RRP12: variants seen among roughly 807,000 people sequenced by gnomAD.
The protein encoded by RRP12 is ribosomal RNA processing 12 homolog, also known as RRP12-like protein.
In RRP12, 78 loss-of-function variants were observed where a neutral mutation model predicts 157.3. The ratio of observed to expected loss-of-function variants is 0.50; its 90% CI spans 0.41 to 0.60. The LOEUF is 0.60. Ranked by LOEUF, RRP12 falls within the 20% of genes least tolerant of loss-of-function variation. RRP12 has a pLI of 0.00. For missense variants in RRP12, 1,521 were observed against 1,679.9 expected (o/e 0.91, Z 1.65); for synonymous variants, 726 against 670.9 (o/e 1.08, Z -1.27).
At chr10:97,399,753 A>T (rs1444736902) in intron 2 of RRP12, among the ~76,000 whole-genome samples, 2 of 150,852 alleles carry the variant, frequency 1.3e-5, no homozygotes, top group African/African-American at 4.9e-5. Flanking sequence ...ATATACTAAA[A>T]AAAAAAAAAA....
intron 31 of RRP12, among the ~76,000 whole-genome samples, chr10:97,359,578 A>G (rs1315607155): frequency 6.6e-6 from 1 of 152,208 alleles, no homozygotes; most frequent in African/African-American, 2.4e-5. Context: ...TCAACATTCA[A>G]CGACAAGTTG....
intron 2 of RRP12, among the ~76,000 whole-genome samples, chr10:97,397,837 T>C (rs1845010505): frequency 6.7e-6 from 1 of 150,232 alleles, no homozygotes; most frequent in South Asian, 2.1e-4. Flanking sequence ...CACTCCCCTG[T>C]AGTCCCAGCT....
intron 25 of RRP12, 116 bp from the exon 26 acceptor site, chr10:97,367,248 G>A (rs762734661): frequency 7.4e-5 from 63 of 850,356 alleles, no homozygotes; most frequent in Non-Finnish European, 1.1e-4. Context: ...GAGGGTTAGC[G>A]CGGCCCTGCT....
chr10:97,394,314 G>A (rs1844894908), intron 3 of RRP12, among the ~76,000 whole-genome samples: 1 of 152,158 alleles, frequency 6.6e-6, no homozygotes. Flanking sequence ...CTGCACTCCA[G>A]TCTGGGTGAC....
At position 97,366,741 on chromosome 10, in the gene RRP12, C is replaced by A. The variant is rs1383140465; in HGVS notation, c.3215+1G>T. The A allele has an allele frequency of 1.9e-6, 3 of 1,612,996 alleles. No homozygotes were observed. Among genetic ancestry groups the A allele is most frequent in the Admixed American group, 3.3e-5 (2 of 59,950 alleles). ...GTCCCATGGCCCTAACATGGTCTCA[C>A]CTGTCACCTTTGCCCTGGGCGGGCT... On this transcript the variant is annotated splice_donor_variant, in intron 27 of 33. Coordinates refer to ENST00000370992, the MANE Select transcript of RRP12 (RefSeq NM_015179.4). LOFTEE classifies it high-confidence loss of function.
chr10:97,367,390 G>A, intron 25 of RRP12: 1 of 554,298 alleles, frequency 1.8e-6, no homozygotes, highest in South Asian at 2.1e-5. Context: ...AACAGCACTT[G>A]GTACTTGACA....
chr10:97,379,403 T>A lies in RRP12; in HGVS notation c.1688A>T (p.Asp563Val), dbSNP rs757561827. The A allele has an allele frequency of 1.9e-6, 3 of 1,613,830 alleles. No homozygotes were observed. In the African/African-American group the frequency reaches 4.0e-5, roughly 22 times the overall value. ...AGGCAGCAGCCAGCTCCGTGGGAAA[T>A]CCAGAGTCTCCCTGGGAAGAGAATG... The part of the protein sequence containing the change: ...LEIDGSEETL[D>V]FPRSWLLPVI... Residue 563 changes from aspartate (D) to valine (V), a missense_variant, in exon 15 of 34, where the codon GAT becomes GTT. Asp to Val is a radical substitution (Grantham distance 152, BLOSUM62 -3). Transcript: ENST00000370992.
At chr10:97,398,039 A>ATATTTTTTTTT (rs1436494245) in intron 2 of RRP12, among the ~76,000 whole-genome samples, 7 of 56,034 alleles carry the variant, frequency 1.2e-4, no homozygotes, top group African/African-American at 2.6e-4. Flanking sequence ...ATATATACGT[A>ATATTTTTTTTT]TTTTTTTTTT....
In RRP12 at chr10:97,369,648, C is replaced by T. The variant is rs1844087473; in HGVS notation, c.2798-66G>A. The T allele has an allele frequency of 4.0e-6, 6 of 1,484,254 alleles. No individual in the cohort carries two copies. The African/African-American group carries it at 5.6e-5, about 14-fold the overall frequency. The allele number at this position is 1,484,254 out of a possible 1,614,324, so 91.9% of individuals were successfully genotyped here. On this transcript the variant is annotated intron_variant, in intron 24 of 33. Coordinates refer to ENST00000370992, the MANE Select transcript of RRP12 (RefSeq NM_015179.4). ...CCCACTCAGACCCAAACCTTCCCCACTGGAAAACAGCCACTCAAGTGTCAG... is the reference window on the plus strand; with the variant it reads ...CCCACTCAGACCCAAACCTTCCCCATTGGAAAACAGCCACTCAAGTGTCAG...
chr10:97,357,785 C>T (rs1160744402), intron 33 of RRP12, among the ~76,000 whole-genome samples: 3 of 151,760 alleles, frequency 2.0e-5, no homozygotes, highest in East Asian at 1.9e-4. Flanking sequence ...AGTGAAACCC[C>T]GTCTCTACTA....
In RRP12 at chr10:97,366,449, G is replaced by A. The variant is rs1843982509; in HGVS notation, c.3388C>T (p.Leu1130=). Residue 1130 remains leucine (L), a synonymous_variant, in exon 28 of 34, where the codon CTG becomes TTG. Coordinates refer to ENST00000370992, the MANE Select transcript of RRP12 (RefSeq NM_015179.4). ...FLDPKVAQRV[L]ATQPGPGRGR... The stretch of plus-strand genomic sequence containing the variant: ...CACTGGCCAGCCCTGTGCTTACCCA[G>A]GACTCGTTGGGCCACCTTGGGATCC... 3 of 1,610,370 alleles carry A rather than the reference G, an allele frequency of 1.9e-6. No homozygotes were observed. Among genetic ancestry groups the A allele is most frequent in the Non-Finnish European group, 2.5e-6 (3 of 1,178,122 alleles).
At chr10:97,363,832 C>A in intron 30 of RRP12, 22 bp downstream of exon 30, 2 of 1,609,104 alleles carry the variant, frequency 1.2e-6, no homozygotes, top group Non-Finnish European at 1.7e-6. Context: ...GCCCTAGCCC[C>A]CCATCTGCAG....
intron 8 of RRP12, among the ~76,000 whole-genome samples, chr10:97,386,642 T>C (rs1261842129): frequency 6.6e-6 from 1 of 152,208 alleles, no homozygotes; most frequent in African/African-American, 2.4e-5. Flanking sequence ...TAAACAATGA[T>C]CATATTATTT....
In RRP12 at chr10:97,366,920, C is replaced by T. The variant is rs1844002875; in HGVS notation, c.3048-11G>A. The T allele has an allele frequency of 6.2e-7, 1 of 1,611,364 alleles. No homozygotes were observed. The highest frequency in any genetic ancestry group is 1.3e-5 in the African/African-American group (1 of 75,020). ...TTCACCAGCTCAAATCTGGAGGTGG[C>T]AAGGAAGGGCTGGTGAGAGGCACTG... is the stretch of plus-strand genomic sequence containing the variant. On this transcript the variant is annotated splice_polypyrimidine_tract_variant and intron_variant, in intron 26 of 33. Transcript: ENST00000370992.
At chr10:97,384,520 T>TGC (rs1291620591) in intron 10 of RRP12, among the ~76,000 whole-genome samples, 3 of 110,158 alleles carry the variant, frequency 2.7e-5, no homozygotes, top group African/African-American at 7.1e-5. Flanking sequence ...GAGAACTCCA[T>TGC]AACCTCAGCA....
chr10:97,373,941 C>T, intron 15 of RRP12, 47 bp from the exon 16 acceptor site: 2 of 1,562,240 alleles, frequency 1.3e-6, no homozygotes, highest in Non-Finnish European at 1.7e-6. Context: ...ACCCTCCTGG[C>T]CAACAGCCTT....
At position 97,388,266 on chromosome 10, in the gene RRP12, T is replaced by C. The variant is rs756146657; in HGVS notation, c.1003A>G (p.Thr335Ala). The C allele has an allele frequency of 1.9e-6, 3 of 1,613,996 alleles. No homozygotes were observed. In the South Asian group the frequency reaches 3.3e-5, roughly 18 times the overall value. Residue 335 changes from threonine (T) to alanine (A), a missense_variant, in exon 8 of 34, where the codon ACC (threonine) becomes GCC (alanine). Coordinates refer to ENST00000370992, the MANE Select transcript of RRP12 (RefSeq NM_015179.4). ...SCSETLLRVMTLSHVLVTACA... is the reference protein window; with the variant it reads ...SCSETLLRVMALSHVLVTACA... ...CCTGAGCTCACCACATGGCTCAAGG[T>C]CATGACCCTGAGGAGAGTCTCACTG...
chr10:97,372,995 G>T (rs371018334), intron 18 of RRP12, 51 bp downstream of exon 18: 92 of 1,551,362 alleles, frequency 5.9e-5, no homozygotes, highest in Non-Finnish European at 7.5e-5. Flanking sequence ...CTCTGACCCT[G>T]CCCACCTGAG....
chr10:97,367,490 A>C, intron 25 of RRP12: 1 of 271,742 alleles, frequency 3.7e-6, no homozygotes, highest in South Asian at 4.5e-5. Context: ...ACAGAGGATA[A>C]AGTGTTTGCT....
Sources: gnomAD v4.1 joint callset for allele counts (sites outside exome capture counted in the v4.1 genomes callset) on GRCh38, gnomAD v4.1.1 for gene constraint, MANE v1.5 for transcripts, NCBI Gene and HGNC (gene_info 2026-07-23, HGNC 2026-07-21) for gene names.